LDLRAP1: variants seen among roughly 807,000 people sequenced by gnomAD.
LDLRAP1 encodes the protein low density lipoprotein receptor adaptor protein 1, also known as low density lipoprotein receptor adapter protein 1.
In LDLRAP1, 30 loss-of-function variants were observed where a neutral mutation model predicts 37.8. The ratio of observed to expected loss-of-function variants is 0.79; its 90% confidence interval spans 0.59 to 1.08. The LOEUF is 1.08. Among genes scored for constraint, LDLRAP1 ranks in the 50% least tolerant of loss-of-function variants. The pLI, the probability that LDLRAP1 is intolerant of heterozygous loss-of-function variation, is 0.00. For missense variants in LDLRAP1, 375 were observed against 401.6 expected (o/e 0.93, Z 0.57); for synonymous variants, 156 against 169.8 (o/e 0.92, Z 0.63).
the LDLRAP1 span, among the ~76,000 whole-genome samples, chr1:25,580,507 C>T: frequency 6.6e-6 from 1 of 152,098 alleles, no homozygotes; most frequent in African/African-American, 2.4e-5. Flanking sequence ...TCAATTTAAT[C>T]TTCACAATTA....
At chr1:25,558,107 G>T (rs533747391) in intron 4 of LDLRAP1, among the ~76,000 whole-genome samples, 1 of 152,120 alleles carries the variant, frequency 6.6e-6, no homozygotes, top group Non-Finnish European at 1.5e-5. Context: ...GAATTTGGGG[G>T]CAAGAAGTGG....
downstream of LDLRAP1, among the ~76,000 whole-genome samples, chr1:25,571,157 C>T (rs1366126560): frequency 6.6e-6 from 1 of 152,230 alleles, no homozygotes; most frequent in African/African-American, 2.4e-5. Flanking sequence ...TGCTCTGCCT[C>T]GCCAGCAGCC....
chr1:25,590,056 T>C, the LDLRAP1 span: 2 of 152,348 alleles, frequency 1.3e-5, no homozygotes, highest in African/African-American at 2.4e-5. Flanking sequence ...TGAGCCAAGA[T>C]TGTGCCACTG....
At chr1:25,577,659 C>T in the LDLRAP1 span, among the ~76,000 whole-genome samples, 18 of 152,166 alleles carry the variant, frequency 1.2e-4, no homozygotes, top group Non-Finnish European at 2.4e-4. Flanking sequence ...TGAGGGAAGG[C>T]GGAGCATTTG....
chr1:25,563,574 G>A, intron 6 of LDLRAP1, 87 bp from the exon 7 acceptor site: 1 of 1,573,860 alleles, frequency 6.4e-7, no homozygotes, highest in African/African-American at 1.3e-5. Context: ...ACATCAGAGG[G>A]GAGGGTCAGG....
At position 25,553,984 on chromosome 1, in the gene LDLRAP1, A is replaced by C; in HGVS notation, c.151A>C (p.Lys51Gln). The change falls in exon 2 of 9, where the codon AAG (lysine) becomes CAG (glutamine). Residue 51 changes from lysine to glutamine, a missense_variant. Lys to Gln is a moderately conservative substitution (Grantham distance 53). Transcript: ENST00000374338. ...GCTGGAGGGGATGCTGTTCAGCCTC[A>C]AGTACCTGGGCATGACGCTAGTGGA... ...TLLEGMLFSL[K>Q]YLGMTLVEQP... 1 of 1,614,030 alleles carries C rather than the reference A, an allele frequency of 6.2e-7. No individual in the cohort carries two copies. The highest frequency in any genetic ancestry group is 8.5e-7 in the Non-Finnish European group (1 of 1,179,998).
intron 8 of LDLRAP1, among the ~76,000 whole-genome samples, chr1:25,565,627 C>T (rs1056993153): frequency 1.4e-4 from 21 of 151,840 alleles, no homozygotes; most frequent in Non-Finnish European, 2.1e-4. Flanking sequence ...TAATGAAGCT[C>T]GTGAAGCGTT....
intron 1 of LDLRAP1, among the ~76,000 whole-genome samples, chr1:25,550,718 G>A (rs1210616959): frequency 1.3e-5 from 2 of 152,204 alleles, no homozygotes; most frequent in African/African-American, 4.8e-5. Flanking sequence ...CTGGGCTTCA[G>A]TTGTATCATC....
the LDLRAP1 span, among the ~76,000 whole-genome samples, chr1:25,586,480 G>A: frequency 1.4e-5 from 2 of 145,894 alleles, no homozygotes; most frequent in African/African-American, 5.5e-5. The surrounding 1 kb of genome is among the most constrained non-coding windows in gnomAD (Gnocchi z 4.3). Flanking sequence ...TGCTTCCCAC[G>A]TGCGTGTGCG....
chr1:25,552,356 G>GTC lies in LDLRAP1; in HGVS notation c.89-1566_89-1565insTC, dbSNP rs1207621578. Among the ~76,000 whole-genome samples the GTC allele has an allele frequency of 1.6e-4, 24 of 152,322 alleles. No homozygotes were observed. The South Asian group carries it at 3.1e-3, about 20-fold the overall frequency. On this transcript the variant is annotated intron_variant, in intron 1 of 8. Coordinates refer to ENST00000374338, the MANE Select transcript of LDLRAP1 (RefSeq NM_015627.3). ...TTTTCAATCAGAGCCAGTGAGGAAG[G>GTC]CCTCAGGAGGAGGTAGGGAGGGCCC...
the LDLRAP1 span, among the ~76,000 whole-genome samples, chr1:25,575,598 AAAACAAAC>A: frequency 6.6e-6 from 1 of 152,176 alleles, no homozygotes; most frequent in Non-Finnish European, 1.5e-5. Flanking sequence ...CTGTCTTACA[AAAACAAAC>A]AAACAAACAA....
chr1:25,588,705 G>A, the LDLRAP1 span, among the ~76,000 whole-genome samples: 1 of 152,080 alleles, frequency 6.6e-6, no homozygotes, highest in East Asian at 1.9e-4. Flanking sequence ...CGGTCCCCTG[G>A]GCCCCCTTTT....
intron 4 of LDLRAP1, among the ~76,000 whole-genome samples, chr1:25,560,050 G>A (rs931023501): frequency 9.4e-5 from 13 of 138,566 alleles, no homozygotes; most frequent in Non-Finnish European, 1.9e-4. Flanking sequence ...GCCAGGAGGA[G>A]TTTGCCAGGC....
At position 25,566,936 on chromosome 1, in the gene LDLRAP1, G is replaced by C; in HGVS notation, c.871G>C (p.Asp291His). The C allele has an allele frequency of 6.2e-7, 1 of 1,613,572 alleles. No individual in the cohort carries two copies. The highest frequency in any genetic ancestry group is 8.5e-7 in the Non-Finnish European group (1 of 1,180,022). ...MHYAQCLSPV[D>H]WDKPDSSGTE... ...TTACGCCCAGTGCCTCTCGCCTGTC[G>C]ACTGGGACAAGCCTGACAGCAGCGG... Residue 291 changes from aspartate (D) to histidine (H), a missense_variant, in exon 9 of 9, where the codon GAC becomes CAC. Asp to His is a moderately conservative substitution (Grantham distance 81). Coordinates refer to ENST00000374338, the MANE Select transcript of LDLRAP1 (RefSeq NM_015627.3).
At chr1:25,574,097 G>T in the LDLRAP1 span, among the ~76,000 whole-genome samples, 1 of 152,376 alleles carries the variant, frequency 6.6e-6, no homozygotes, top group Non-Finnish European at 1.5e-5. Flanking sequence ...GCTGGAGGAG[G>T]TAGGGAGGCC....
chr1:25,561,036 G>A (rs2044330567), intron 4 of LDLRAP1, among the ~76,000 whole-genome samples: 1 of 152,256 alleles, frequency 6.6e-6, no homozygotes, highest in Admixed American at 6.5e-5. Flanking sequence ...GTATGCAAGT[G>A]AACAATCAGA....
At chr1:25,582,970 G>A in the LDLRAP1 span, among the ~76,000 whole-genome samples, 5 of 151,616 alleles carry the variant, frequency 3.3e-5, no homozygotes, top group African/African-American at 9.7e-5. Context: ...TACTTGGGAT[G>A]CTGAGGCAGG....
the LDLRAP1 span, among the ~76,000 whole-genome samples, chr1:25,575,775 A>G: frequency 6.6e-6 from 1 of 152,166 alleles, no homozygotes; most frequent in Non-Finnish European, 1.5e-5. Context: ...CTTTACACAA[A>G]CGACCCCATG....
chr1:25,545,547 G>A (rs893414932), intron 1 of LDLRAP1, among the ~76,000 whole-genome samples: 3 of 152,044 alleles, frequency 2.0e-5, no homozygotes, highest in African/African-American at 4.8e-5. Flanking sequence ...TCCTTGGGAC[G>A]CTGCCAGCAT....
Sources: gnomAD v4.1 joint callset for allele counts (sites outside exome capture counted in the v4.1 genomes callset) on GRCh38, gnomAD v4.1.1 for gene constraint, Gnocchi (gnomAD v3.1) non-coding constraint, MANE v1.5 for transcripts, NCBI Gene and HGNC (gene_info 2026-07-23, HGNC 2026-07-21) for gene names.